The following GPATCH3 variants were observed in gnomAD, a reference collection of about 807,000 sequenced individuals.
GPATCH3 encodes the protein G patch domain-containing protein 3.
Under a neutral mutation model 53.2 loss-of-function variants are expected in GPATCH3, and 45 were observed. The ratio of observed to expected loss-of-function variants is 0.85; its 90% confidence interval spans 0.67 to 1.08. GPATCH3 has a LOEUF of 1.08. Ranked by LOEUF, GPATCH3 falls within the 50% of genes least tolerant of loss-of-function variation. The pLI, the probability that GPATCH3 is intolerant of heterozygous loss-of-function variation, is 0.00. For synonymous variants in GPATCH3, 280 were observed against 270.6 expected, an observed-to-expected ratio of 1.03 and a Z score of -0.34; for missense variants, 680 against 687.2, an observed-to-expected ratio of 0.99 and a Z score of 0.12.
At chr1:26,898,323 T>C (rs1487476224) in intron 1 of GPATCH3, among the ~76,000 whole-genome samples, 1 of 152,092 alleles carries the variant, frequency 6.6e-6, no homozygotes, top group African/African-American at 2.4e-5. Flanking sequence ...AACTTTTTTT[T>C]TCTTTTTTTT....
intron 5 of GPATCH3, 41 bp from the exon 6 acceptor site, chr1:26,892,579 G>A (rs1365816420): frequency 5.0e-6 from 8 of 1,606,086 alleles, no homozygotes; most frequent in Non-Finnish European, 6.8e-6. Flanking sequence ...TGGGGCTCCT[G>A]CTGGGAGCAG....
At chr1:26,898,390 T>C (rs2081960080) in intron 1 of GPATCH3, among the ~76,000 whole-genome samples, 2 of 152,104 alleles carry the variant, frequency 1.3e-5, no homozygotes, top group African/African-American at 4.8e-5. Context: ...CAATCTCAGC[T>C]CACCGCAACC....
chr1:26,898,307 C>T (rs894513794), intron 1 of GPATCH3, among the ~76,000 whole-genome samples: 4 of 152,050 alleles, frequency 2.6e-5, no homozygotes, highest in Non-Finnish European at 5.9e-5. Flanking sequence ...GCTCTGGCTC[C>T]TGATGAACTT....
intron 1 of GPATCH3, among the ~76,000 whole-genome samples, chr1:26,899,771 G>A (rs1311676544): frequency 6.6e-6 from 1 of 152,186 alleles, no homozygotes; most frequent in African/African-American, 2.4e-5. Context: ...GGTCTCAAAA[G>A]GGACCTAACA....
chr1:26,893,313 G>T, intron 4 of GPATCH3, 76 bp downstream of exon 4: 3 of 1,162,644 alleles, frequency 2.6e-6, no homozygotes, highest in Non-Finnish European at 2.6e-6. Flanking sequence ...CTCAGCCTTT[G>T]CTAGCTCTGG....
intron 6 of GPATCH3, 67 bp from the exon 7 acceptor site, chr1:26,891,293 A>C (rs1454931710): frequency 8.0e-7 from 1 of 1,247,682 alleles, no homozygotes; most frequent in Non-Finnish European, 1.1e-6. Context: ...TTGGGAGAGG[A>C]CGGGGAAGTA....
At chr1:26,897,083 C>T (rs1260348184) in intron 2 of GPATCH3, among the ~76,000 whole-genome samples, 1 of 151,988 alleles carries the variant, frequency 6.6e-6, no homozygotes, top group Non-Finnish European at 1.5e-5. Context: ...AAATAAGACC[C>T]ACTTACGAAT....
At position 26,897,692 on chromosome 1, in the gene GPATCH3, T is replaced by A. The variant is rs1343623501; in HGVS notation, c.485A>T (p.Glu162Val). ...ATTCTCTGCCTTCCAACTCTGCAGT[T>A]CCTTCCGGGTCTTGAAGGGAAAGGA... ...LGSFPFKTRKELQSWKAENEA... is the reference protein window; with the variant it reads ...LGSFPFKTRKVLQSWKAENEA... Residue 162 changes from glutamate (E) to valine (V), a missense_variant, in exon 2 of 7, where the codon GAA becomes GTA. Transcript: ENST00000361720. 1 of 1,613,592 alleles carries A rather than the reference T, an allele frequency of 6.2e-7. No individual in the cohort carries two copies. Among genetic ancestry groups the A allele is most frequent in the Non-Finnish European group, 8.5e-7 (1 of 1,179,720 alleles).
At chr1:26,894,108 A>AATAGAGGT in intron 3 of GPATCH3, 128 bp downstream of exon 3, 1 of 870,904 alleles carries the variant, frequency 1.1e-6, no homozygotes, top group East Asian at 2.5e-5. Flanking sequence ...TCTCGTATAC[A>AATAGAGGT]ATAGAGGTCA....
chr1:26,892,733 T>C lies in GPATCH3; in HGVS notation c.1170A>G (p.Arg390=), dbSNP rs368290055. Residue 390 remains arginine (R), a synonymous_variant, in exon 5 of 7, where the codon CGA becomes CGG. Transcript: ENST00000361720. ...TCACAGAGCCATCTTCCTGTCCATC[T>C]CGGAGTCTCTGTTCCAGACGCATTT... The part of the protein sequence containing the change: ...SVQMRLEQRL[R]DGQEDGSVIE... 34 of 1,614,050 alleles carry C rather than the reference T, an allele frequency of 2.1e-5. No individual in the cohort carries two copies. Among genetic ancestry groups the C allele is most frequent in the Middle Eastern group, 1.6e-4 (1 of 6,084 alleles).
intron 2 of GPATCH3, among the ~76,000 whole-genome samples, chr1:26,894,773 TC>T (rs1477332436): frequency 2.0e-5 from 3 of 152,100 alleles, no homozygotes; most frequent in African/African-American, 7.2e-5. Context: ...CTCATACCAG[TC>T]TCTGAACTCC....
intron 2 of GPATCH3, among the ~76,000 whole-genome samples, chr1:26,896,435 T>C (rs1401494703): frequency 1.3e-5 from 2 of 151,438 alleles, no homozygotes; most frequent in Non-Finnish European, 2.9e-5. Flanking sequence ...GTCATGCCTG[T>C]AATCCCAGCA....
Position 26,890,876 on chromosome 1 carries a change from G to T in GPATCH3, c.*134C>A, listed in dbSNP as rs1288869931. 2.6e-5 allele frequency: 23 copies of T among 883,960 alleles called. No individual in the cohort carries two copies. Among genetic ancestry groups the T allele is most frequent in the Non-Finnish European group, 4.5e-5 (23 of 515,062 alleles). 54.8% of individuals were successfully genotyped at this position (883,960 alleles called of 1,614,324 possible). A position where few individuals can be genotyped will look rare whatever the true frequency, so the allele number is the denominator to read the frequency against. On this transcript the variant is annotated 3_prime_UTR_variant, in exon 7 of 7. Coordinates refer to ENST00000361720, the MANE Select transcript of GPATCH3 (RefSeq NM_022078.3). ...CCCTGAGGTATAGAACCGGCAGGCAGGCAGGCTCGGAACAAAACACCCTGA... is the reference window on the plus strand; with the variant it reads ...CCCTGAGGTATAGAACCGGCAGGCATGCAGGCTCGGAACAAAACACCCTGA...
chr1:26,893,275 C>A, intron 4 of GPATCH3, 114 bp downstream of exon 4: 1 of 857,362 alleles, frequency 1.2e-6, no homozygotes. Context: ...CAGTGGGCTA[C>A]CCCAAGGGAA....
Position 26,891,146 on chromosome 1 carries a change from T to A in GPATCH3, c.1442A>T (p.Tyr481Phe). 6.2e-7 allele frequency: 1 copy of A among 1,614,064 alleles called. No individual in the cohort carries two copies. Among genetic ancestry groups the A allele is most frequent in the East Asian group, 2.2e-5 (1 of 44,884 alleles). Reference protein sequence around the residue: ...RNGLGLISTIYDEPLPQDQTE... With the variant: ...RNGLGLISTIFDEPLPQDQTE... ...CTGGTCTTGGGGTAGAGGCTCATCA[T>A]AGATGGTGGAGATGAGCCCCAAGCC... Residue 481 changes from tyrosine to phenylalanine, a missense_variant, in exon 7 of 7, where the codon TAT (tyrosine) becomes TTT (phenylalanine). By Grantham distance (22) the Tyr-to-Phe change is conservative. Transcript: ENST00000361720.
rs541585749 is a variant in GPATCH3 at position 26,893,393 on chromosome 1, G to A, written c.1107C>T (p.Asp369=). Reference sequence around the variant, plus strand: ...TTGCCACTCCTTGCCCAGTACCTCTGTCATAGTACACACTCATGTCCACAT... The same window carrying A: ...TTGCCACTCCTTGCCCAGTACCTCTATCATAGTACACACTCATGTCCACAT... ...DWDVDMSVYY[D]RDGGDKDARD... Residue 369 remains aspartate (D), a synonymous_variant, in exon 4 of 7, where the codon GAC becomes GAT. Coordinates refer to ENST00000361720, the MANE Select transcript of GPATCH3 (RefSeq NM_022078.3). The A allele has an allele frequency of 1.9e-6, 3 of 1,612,730 alleles. No individual in the cohort carries two copies. Among genetic ancestry groups the A allele is most frequent in the Non-Finnish European group, 2.5e-6 (3 of 1,178,742 alleles).
At position 26,890,932 on chromosome 1, in the gene GPATCH3, C is replaced by T. The variant is rs368590257; in HGVS notation, c.*78G>A. 6.1e-6 allele frequency: 8 copies of T among 1,321,824 alleles called. No homozygotes were observed. Among genetic ancestry groups the T allele is most frequent in the South Asian group, 1.2e-5 (1 of 84,840 alleles). 81.9% of individuals were successfully genotyped at this position (1,321,824 alleles called of 1,614,324 possible). A position where few individuals can be genotyped will look rare whatever the true frequency, so the allele number is the denominator to read the frequency against. On this transcript the variant is annotated 3_prime_UTR_variant, in exon 7 of 7. Coordinates refer to ENST00000361720, the MANE Select transcript of GPATCH3 (RefSeq NM_022078.3). Reference sequence around the variant, plus strand: ...CCACGAAGACTGCTGCTCCCAGACTCCTTTCTGCTTCAGTGGTAGATGAGG... The same window carrying T: ...CCACGAAGACTGCTGCTCCCAGACTTCTTTCTGCTTCAGTGGTAGATGAGG...
At position 26,900,252 on chromosome 1, in the gene GPATCH3, G is replaced by C. The variant is rs772292681; in HGVS notation, c.191C>G (p.Ser64Cys). 10 of 1,614,052 alleles carry C rather than the reference G, an allele frequency of 6.2e-6. No homozygotes were observed. The South Asian group carries it at 8.8e-5, about 14-fold the overall frequency. Reference protein sequence around the residue: ...ERAPPQAAPNSALIPTDPAAE... With the variant: ...ERAPPQAAPNCALIPTDPAAE... ...GGCTGGGTCGGTAGGAATTAGGGCA[G>C]AGTTAGGAGCGGCCTGCGGAGGGGC... The change falls in exon 1 of 7, where the codon TCT (serine) becomes TGT (cysteine). Residue 64 changes from serine (S) to cysteine (C), a missense_variant. Ser to Cys is a moderately radical substitution (Grantham distance 112). Coordinates refer to ENST00000361720, the MANE Select transcript of GPATCH3 (RefSeq NM_022078.3).
chr1:26,898,821 CACA>C (rs1315187113), intron 1 of GPATCH3, among the ~76,000 whole-genome samples: 2 of 152,026 alleles, frequency 1.3e-5, no homozygotes, highest in Non-Finnish European at 2.9e-5. Context: ...CATGCGCCAC[CACA>C]ACCGGCTAAT....
Sources: allele counts gnomAD v4.1 joint callset (sites outside exome capture counted in the v4.1 genomes callset), GRCh38; gene constraint gnomAD v4.1.1; transcripts MANE v1.5; gene names NCBI Gene and HGNC (gene_info 2026-07-23, HGNC 2026-07-21).